Variants in HSPA14 observed in about 807,000 individuals in gnomAD.
The protein encoded by HSPA14 is heat shock 70 kDa protein 14.
HSPA14 carries 37 observed loss-of-function variants against 65.5 expected under a neutral mutation model. That is an observed-to-expected ratio of 0.56 (90% CI 0.43 to 0.74). The LOEUF (loss-of-function observed/expected upper bound fraction) is 0.74, where lower values mean the gene tolerates loss of function less well. Among genes scored for constraint, HSPA14 ranks in the 30% least tolerant of loss-of-function variants. The pLI is 0.00. For missense variants in HSPA14, 564 were observed against 607.6 expected (o/e 0.93, Z 0.75); for synonymous variants, 203 against 214.2 (o/e 0.95, Z 0.46).
intron 12 of HSPA14, among the ~76,000 whole-genome samples, chr10:14,869,677 C>A (rs1026940522): frequency 6.6e-6 from 1 of 152,168 alleles, no homozygotes; most frequent in South Asian, 2.1e-4. Flanking sequence ...TCAGACTTAC[C>A]AACTTGGAAT....
intron 10 of HSPA14, among the ~76,000 whole-genome samples, chr10:14,865,539 A>G (rs907461905): frequency 1.3e-5 from 2 of 152,202 alleles, no homozygotes; most frequent in Non-Finnish European, 1.5e-5. Flanking sequence ...CTTTCTACCT[A>G]TGGCTAGCCA....
intron 10 of HSPA14, among the ~76,000 whole-genome samples, chr10:14,856,971 G>C (rs1832707334): frequency 6.6e-6 from 1 of 152,144 alleles, no homozygotes; most frequent in African/African-American, 2.4e-5. Flanking sequence ...TTTCTAACTT[G>C]TATAATTTGT....
At position 14,867,744 on chromosome 10, in the gene HSPA14, C is replaced by A; in HGVS notation, c.1215C>A (p.Asp405Glu). Residue 405 changes from aspartate (D) to glutamate (E), a missense_variant, in exon 12 of 14, where the codon GAC becomes GAA. By Grantham distance (45) the Asp-to-Glu change is conservative (BLOSUM62 2). Coordinates refer to ENST00000378372, the MANE Select transcript of HSPA14 (RefSeq NM_016299.4). ...TGTTTCCTGCTAACTAGGGTGTGGA[C>A]GAATCAGGAGCCAGTAGATTCACAG... ...SARDILVKGV[D>E]ESGASRFTVL... 1 of 1,612,882 alleles carries A rather than the reference C, an allele frequency of 6.2e-7. No homozygotes were observed. The highest frequency in any genetic ancestry group is 8.5e-7 in the Non-Finnish European group (1 of 1,179,554).
At position 14,842,095 on chromosome 10, in the gene HSPA14, C is replaced by A. The variant is rs1251024126; in HGVS notation, c.221+1938C>A. ...TAACTTGCTGCCAAAATTATCCTTA[C>A]ACCCTTCCTGTAACTCTCATTCCCC... On this transcript the variant is annotated intron_variant, in intron 3 of 13. Coordinates refer to ENST00000378372, the MANE Select transcript of HSPA14 (RefSeq NM_016299.4). The surrounding 1 kb of genome is among the most constrained non-coding windows in gnomAD (Gnocchi z 5.2). The A allele has an allele frequency of 3.4e-6, 5 of 1,450,114 alleles. No individual in the cohort carries two copies. The East Asian group carries it at 7.5e-5, about 22-fold the overall frequency. 89.8% of individuals were successfully genotyped at this position (1,450,114 alleles called of 1,614,324 possible).
At chr10:14,838,916 G>T (rs1423357371) in intron 1 of HSPA14, among the ~76,000 whole-genome samples, 1 of 152,182 alleles carries the variant, frequency 6.6e-6, no homozygotes, top group African/African-American at 2.4e-5. Flanking sequence ...CCCGCGGGTG[G>T]GAGGTCCTGG....
chr10:14,844,093 G>T lies in HSPA14; in HGVS notation c.221+3936G>T. On this transcript the variant is annotated intron_variant, in intron 3 of 13. Transcript: ENST00000378372. Reference sequence around the variant, plus strand: ...ATGGAAGACCTTTCAGAAATGCCAGGGGTGACCTAATAGAAAACGATGGAG... The same window carrying T: ...ATGGAAGACCTTTCAGAAATGCCAGTGGTGACCTAATAGAAAACGATGGAG... 2.1e-6 allele frequency: 3 copies of T among 1,407,438 alleles called. No individual in the cohort carries two copies. The African/African-American group carries it at 4.3e-5, about 20-fold the overall frequency. 87.2% of individuals were successfully genotyped at this position (1,407,438 alleles called of 1,614,324 possible).
chr10:14,856,661 A>C (rs1186866050), intron 10 of HSPA14, among the ~76,000 whole-genome samples: 2 of 152,080 alleles, frequency 1.3e-5, no homozygotes, highest in African/African-American at 4.8e-5. Flanking sequence ...CAGGAGTAGA[A>C]GACTAGCCTT....
intron 8 of HSPA14, among the ~76,000 whole-genome samples, chr10:14,853,785 T>C (rs548253981): frequency 1.3e-5 from 2 of 152,340 alleles, no homozygotes; most frequent in East Asian, 3.9e-4. Context: ...AGTGGTGCAA[T>C]CTCGGCTCAC....
rs550646520 is a variant in HSPA14, at chr10:14,840,060, T to A, written c.139-15T>A. ...CATTGTAATATATATATATATATAT[T>A]ATTTTTTTTTTCAGATTGTTGGATT... On this transcript the variant is annotated splice_polypyrimidine_tract_variant and intron_variant, in intron 2 of 13. Transcript: ENST00000378372. 3.9e-5 allele frequency: 47 copies of A among 1,199,582 alleles called. No homozygotes were observed. Among genetic ancestry groups the A allele is most frequent in the South Asian group, 2.9e-4 (15 of 52,422 alleles). The allele number at this position is 1,199,582 out of a possible 1,614,324, so 74.3% of individuals were successfully genotyped here. A position where few individuals can be genotyped will look rare whatever the true frequency, so the allele number is the denominator to read the frequency against.
Position 14,843,503 on chromosome 10 carries a change from G to A in HSPA14, c.221+3346G>A, listed in dbSNP as rs1341356974. On this transcript the variant is annotated intron_variant, in intron 3 of 13. Coordinates refer to ENST00000378372, the MANE Select transcript of HSPA14 (RefSeq NM_016299.4). ...CCCAGCCCCTGCACCAGCACCAACC[G>A]CAGCACTCCTGGGGTAGCCTCCACA... The A allele has an allele frequency of 1.3e-5, 20 of 1,550,510 alleles. No homozygotes were observed. In the South Asian group the frequency reaches 1.4e-4, roughly 11 times the overall value.
rs528684477 is a variant in HSPA14, at chr10:14,855,099, A to G, written c.891-742A>G. Among the ~76,000 whole-genome samples, 288 of 152,302 alleles carry G rather than the reference A, an allele frequency of 1.9e-3. 1 individual carries two copies. Among genetic ancestry groups the G allele is most frequent in the African/African-American group, 6.9e-3 (286 of 41,568 alleles). ...TTAAGTTTGTCCAAGTCCTCGGTAT[A>G]TATTTGCTTTATTAATCAGTAATTA... On this transcript the variant is annotated intron_variant, in intron 9 of 13. Transcript: ENST00000378372.
At chr10:14,868,841 G>GT (rs778234466) in intron 12 of HSPA14, among the ~76,000 whole-genome samples, 46 of 151,986 alleles carry the variant, frequency 3.0e-4, no homozygotes, top group Non-Finnish European at 5.4e-4. Flanking sequence ...ATAATGTACT[G>GT]TTTTTTTTGT....
intron 3 of HSPA14, among the ~76,000 whole-genome samples, chr10:14,841,798 G>T (rs1320144385): frequency 6.6e-6 from 1 of 152,220 alleles, no homozygotes; most frequent in Non-Finnish European, 1.5e-5. Flanking sequence ...GCATCTTTCA[G>T]ATTGCTATAC....
At chr10:14,838,838 G>C (rs1185684208) in intron 1 of HSPA14, among the ~76,000 whole-genome samples, 1 of 152,132 alleles carries the variant, frequency 6.6e-6, no homozygotes, top group East Asian at 1.9e-4. Flanking sequence ...CATTTTGGGG[G>C]AGGTCACGGG....
At chr10:14,866,940 G>C (rs749476096) in intron 10 of HSPA14, 143 bp from the exon 11 acceptor site, 2 of 564,954 alleles carry the variant, frequency 3.5e-6, no homozygotes, top group Non-Finnish European at 6.4e-6. Flanking sequence ...TATAGGTTAA[G>C]TATAACATAA....
At chr10:14,844,310 A>C (rs1834016776) in intron 3 of HSPA14, 1 of 1,060,736 alleles carries the variant, frequency 9.4e-7, no homozygotes, top group Non-Finnish European at 1.1e-6. Flanking sequence ...CACTGTACAC[A>C]TTTAAGTTAT....
At position 14,852,416 on chromosome 10, in the gene HSPA14, G is replaced by A. The variant is rs115374281; in HGVS notation, c.619G>A (p.Val207Ile). ...KLGGTSLSLS[V>I]MEVNSGIYRV... ...TGGAGGAACATCCTTATCTCTCAGC[G>A]TCATGGAAGTTAACAGTGGAATATA... Residue 207 changes from valine to isoleucine, a missense_variant, in exon 8 of 14, where the codon GTC (valine) becomes ATC (isoleucine). Transcript: ENST00000378372. 6.8e-6 allele frequency: 11 copies of A among 1,613,726 alleles called. No homozygotes were observed. The highest frequency in any genetic ancestry group is 4.4e-5 in the South Asian group (4 of 91,076).
chr10:14,841,736 C>T (rs550755243), intron 3 of HSPA14, among the ~76,000 whole-genome samples: 1 of 152,340 alleles, frequency 6.6e-6, no homozygotes, highest in South Asian at 2.1e-4. Context: ...CCCACACTGA[C>T]AGTCAGATGG....
chr10:14,838,706 A>G (rs1175901088), intron 1 of HSPA14: 2 of 469,398 alleles, frequency 4.3e-6, no homozygotes, highest in Non-Finnish European at 3.8e-6. Context: ...CCAGGGCGTC[A>G]TGGCGGCGGG....
Sources: allele counts gnomAD v4.1 joint callset (sites outside exome capture counted in the v4.1 genomes callset), GRCh38; gene constraint gnomAD v4.1.1; non-coding constraint Gnocchi (gnomAD v3.1); transcripts MANE v1.5; gene names NCBI Gene and HGNC (gene_info 2026-07-23, HGNC 2026-07-21).